The following ELF2 variants were observed in gnomAD, a reference collection of about 807,000 sequenced individuals.
ELF2 encodes E74 like ETS transcription factor 2, also known as ETS-related transcription factor Elf-2.
ELF2 carries 11 observed loss-of-function variants against 54.8 expected under a neutral mutation model. That is an observed-to-expected ratio of 0.20 (90% CI 0.13 to 0.33). The LOEUF is 0.33. ELF2 is among the 10% of genes least tolerant of loss of function. ELF2 has a pLI of 1.00. For synonymous variants in ELF2, 203 were observed against 245.1 expected (o/e 0.83, Z 1.61); for missense variants, 513 against 703.0 (o/e 0.73, Z 3.06).
intron 7 of ELF2, chr4:139,066,860 A>G (rs1356250947): frequency 1.3e-5 from 2 of 152,204 alleles, no homozygotes. Flanking sequence ...CCTGTCTGTA[A>G]AAATAAGTCA....
chr4:139,132,853 T>C (rs866776726), intron 3 of ELF2, among the ~76,000 whole-genome samples: 1 of 135,560 alleles, frequency 7.4e-6, no homozygotes, highest in African/African-American at 3.0e-5. Flanking sequence ...TATATATATA[T>C]ATATATATAT....
rs932140911 is a variant in ELF2, at chr4:139,059,485, G to A, written c.1280C>T (p.Thr427Ile). Residue 427 changes from threonine (T) to isoleucine (I), a missense_variant, in exon 10 of 10, where the codon ACA becomes ATA. By Grantham distance (89) the Thr-to-Ile change is moderately conservative (BLOSUM62 -1). Around this residue, in one of 3 missense-constraint regions of ELF2, gnomAD observed 291 missense variants for 366.1 expected, o/e 0.79. Transcript: ENST00000686138. Reference protein sequence around the residue: ...APLITSTSPTTATSPKVVIQT... With the variant: ...APLITSTSPTIATSPKVVIQT... ...AATGACTACCTTTGGAGAGGTCGCT[G>A]TTGTTGGACTAGTGCTGGTTATTAA... The A allele has an allele frequency of 1.2e-6, 2 of 1,613,848 alleles. No individual in the cohort carries two copies. The highest frequency in any genetic ancestry group is 2.7e-5 in the African/African-American group (2 of 74,910).
chr4:139,102,904 CT>C (rs1447988984), intron 4 of ELF2, among the ~76,000 whole-genome samples: 6 of 151,666 alleles, frequency 4.0e-5, no homozygotes, highest in Non-Finnish European at 5.9e-5. Context: ...TTTTTCCCCC[CT>C]GAGACAGGGT....
intron 3 of ELF2, among the ~76,000 whole-genome samples, chr4:139,127,049 C>T (rs1342737784): frequency 6.6e-6 from 1 of 152,154 alleles, no homozygotes; most frequent in Admixed American, 6.5e-5. Context: ...AACCATTGAC[C>T]TTGTTCCTAA....
intron 4 of ELF2, chr4:139,115,396 C>T (rs1260326276): frequency 4.0e-6 from 4 of 1,008,736 alleles, no homozygotes; most frequent in Admixed American, 6.1e-5. Flanking sequence ...GGGCCACGTG[C>T]GCGCATCGGG....
chr4:139,067,729 C>A lies in ELF2; in HGVS notation c.568G>T (p.Gly190Trp). ...PKTQQSPISN[G>W]SPELGIKKKP... is the part of the protein sequence containing the mutation. ...TTCTTTATACCTAACTCAGGAGACC[C>A]ATTGGAAATTGGTGATTGCTGGGTC... is the stretch of plus-strand genomic sequence containing the variant. The change falls in exon 7 of 10, where the codon GGG becomes TGG. Residue 190 changes from glycine (G) to tryptophan (W), a missense_variant. By Grantham distance (184) the Gly-to-Trp change is radical (BLOSUM62 -2). Transcript: ENST00000686138. 2 of 1,607,504 alleles carry A rather than the reference C, an allele frequency of 1.2e-6. 1 individual carries two copies.
At chr4:139,119,883 C>G (rs1322712055) in intron 4 of ELF2, among the ~76,000 whole-genome samples, 1 of 152,154 alleles carries the variant, frequency 6.6e-6, no homozygotes, top group East Asian at 1.9e-4. Flanking sequence ...AGGCAATTCT[C>G]TTGCCTCAGC....
intron 4 of ELF2, among the ~76,000 whole-genome samples, chr4:139,113,471 G>C (rs561875107): frequency 6.6e-6 from 1 of 152,304 alleles, no homozygotes; most frequent in East Asian, 1.9e-4. Context: ...TGAGACAGGA[G>C]AATCACTTGA....
chr4:139,061,163 T>G (rs1334394663), intron 8 of ELF2, among the ~76,000 whole-genome samples: 2 of 151,562 alleles, frequency 1.3e-5, no homozygotes, highest in East Asian at 1.9e-4. Flanking sequence ...TTTTGTGGGT[T>G]TATCAAACTG....
chr4:139,062,263 C>T (rs1443357192), intron 7 of ELF2, among the ~76,000 whole-genome samples: 4 of 152,064 alleles, frequency 2.6e-5, no homozygotes, highest in African/African-American at 9.7e-5. Context: ...CTCCACCTCC[C>T]AGGTTCAAGC....
chr4:139,066,652 T>G (rs1381447286), intron 7 of ELF2: 6 of 150,942 alleles, frequency 4.0e-5, no homozygotes, highest in Non-Finnish European at 8.8e-5. Context: ...TCTGGGAGTG[T>G]GAGGCCGGAG....
At chr4:139,063,212 C>T (rs942924115) in intron 7 of ELF2, among the ~76,000 whole-genome samples, 5 of 152,012 alleles carry the variant, frequency 3.3e-5, no homozygotes, top group African/African-American at 9.7e-5. Flanking sequence ...GAGCTGAGAT[C>T]GCACCACTGC....
intron 1 of ELF2, among the ~76,000 whole-genome samples, chr4:139,151,533 A>G (rs890917660): frequency 1.4e-4 from 21 of 152,280 alleles, no homozygotes; most frequent in African/African-American, 4.6e-4. Flanking sequence ...ATCTGATGCG[A>G]GTTCTTGTCA....
At chr4:139,141,765 G>A (rs1738723066) in intron 1 of ELF2, among the ~76,000 whole-genome samples, 1 of 152,102 alleles carries the variant, frequency 6.6e-6, no homozygotes, top group Non-Finnish European at 1.5e-5. Flanking sequence ...CCTTACAGGC[G>A]GGTGTTTCCA....
At chr4:139,084,011 C>T in intron 4 of ELF2, 5 of 1,520,170 alleles carry the variant, frequency 3.3e-6, no homozygotes, top group Non-Finnish European at 3.6e-6. Flanking sequence ...CCAGCCGCCC[C>T]AGTGACTGTG....
intron 4 of ELF2, chr4:139,084,263 G>A (rs965831656): frequency 3.7e-6 from 6 of 1,606,094 alleles, no homozygotes; most frequent in Admixed American, 1.7e-5. Flanking sequence ...GGAGGAGGCG[G>A]AACCCGCGGC....
chr4:139,114,878 G>C lies in ELF2; in HGVS notation c.238+10286C>G, dbSNP rs1305264552. 5 of 1,605,570 alleles carry C rather than the reference G, an allele frequency of 3.1e-6. No homozygotes were observed. In the African/African-American group the frequency reaches 5.4e-5, roughly 17 times the overall value. ...CCGGTATTGCTGTTGCTACGAGGTTGGGGGGCAGCGATTGTCCTGTGGGAA... is the reference window on the plus strand; with the variant it reads ...CCGGTATTGCTGTTGCTACGAGGTTCGGGGGCAGCGATTGTCCTGTGGGAA... On this transcript the variant is annotated intron_variant, in intron 4 of 9. Transcript: ENST00000686138.
intron 4 of ELF2, chr4:139,084,037 C>T: frequency 6.3e-7 from 1 of 1,595,462 alleles, no homozygotes; most frequent in Non-Finnish European, 8.5e-7. Flanking sequence ...GACACTGTAC[C>T]CCCAGCACAG....
intron 6 of ELF2, among the ~76,000 whole-genome samples, chr4:139,070,506 G>A (rs1415875794): frequency 6.6e-6 from 1 of 152,066 alleles, no homozygotes; most frequent in Non-Finnish European, 1.5e-5. Flanking sequence ...GACCAGGCTG[G>A]TCTTGAACTC....
Sources: gnomAD v4.1 joint callset for allele counts (sites outside exome capture counted in the v4.1 genomes callset) on GRCh38, gnomAD v4.1.1 for gene constraint, gnomAD v4.1.1 regional missense constraint, MANE v1.5 for transcripts, NCBI Gene and HGNC (gene_info 2026-07-23, HGNC 2026-07-21) for gene names.